UBE2S: variants seen among roughly 807,000 people sequenced by gnomAD.
UBE2S encodes ubiquitin conjugating enzyme E2 S.
Under a neutral mutation model 12.3 loss-of-function variants are expected in UBE2S, and 3 were observed. That is an observed-to-expected ratio of 0.24 (90% CI 0.11 to 0.63). The LOEUF is 0.63. UBE2S is among the 30% of genes least tolerant of loss of function. The pLI is 0.85. For synonymous variants in UBE2S, 133 were observed against 142.0 expected (o/e 0.94, Z 0.45); for missense variants, 211 against 313.9 (o/e 0.67, Z 2.48).
chr19:55,404,074 G>T lies in UBE2S; in HGVS notation c.342+214C>A. On this transcript the variant is annotated intron_variant, in intron 3 of 3. Coordinates refer to ENST00000264552, the MANE Select transcript of UBE2S (RefSeq NM_014501.3). The surrounding 1 kb of genome is among the most constrained non-coding windows in gnomAD (Gnocchi z 4.4). ...ATACAAACTCACCACTCGTTGCATA[G>T]TAAGGTGCTCCTGGGCACTTCTCAA... 1.7e-6 allele frequency: 1 copy of T among 586,290 alleles called. No homozygotes were observed. The highest frequency in any genetic ancestry group is 3.0e-6 in the Non-Finnish European group (1 of 333,112). 36.3% of individuals were successfully genotyped at this position (586,290 alleles called of 1,614,324 possible). A position where few individuals can be genotyped will look rare whatever the true frequency, so the allele number is the denominator to read the frequency against.
At position 55,401,434 on chromosome 19, in the gene UBE2S, C is replaced by T. The variant is rs778022859; in HGVS notation, c.*2G>A. The stretch of plus-strand genomic sequence containing the variant: ...TCACGGTGGAAGGAGGAAGAGAGCC[C>T]ACTACAGCCGCCGCAGCGCCCGCTT... On this transcript the variant is annotated 3_prime_UTR_variant, in exon 4 of 4. Transcript: ENST00000264552. The T allele has an allele frequency of 1.3e-6, 2 of 1,596,092 alleles. No homozygotes were observed. Among genetic ancestry groups the T allele is most frequent in the Non-Finnish European group, 1.7e-6 (2 of 1,174,320 alleles).
rs367694744 is a variant in UBE2S at position 55,406,992 on chromosome 19, G to C, written c.4-30C>G. On this transcript the variant is annotated intron_variant, in intron 1 of 3. Coordinates refer to ENST00000264552, the MANE Select transcript of UBE2S (RefSeq NM_014501.3). ...GCACGGATGGGAGAGCAGGGTGAGCGAGTGTTAAGAGCTGGGCTTCCCGCA... is the reference window on the plus strand; with the variant it reads ...GCACGGATGGGAGAGCAGGGTGAGCCAGTGTTAAGAGCTGGGCTTCCCGCA... 13 of 1,608,658 alleles carry C rather than the reference G, an allele frequency of 8.1e-6. 1 individual carries two copies. Among genetic ancestry groups the C allele is most frequent in the Middle Eastern group, 1.7e-4 (1 of 6,024 alleles).
At chr19:55,403,000 C>A in intron 3 of UBE2S, 3 of 1,533,492 alleles carry the variant, frequency 2.0e-6, no homozygotes, top group East Asian at 4.9e-5. Flanking sequence ...CCAGCCTAGA[C>A]CAGGACGCCT....
chr19:55,404,334 A>C lies in UBE2S; in HGVS notation c.296T>G (p.Leu99Arg). 6.2e-7 allele frequency: 1 copy of C among 1,613,722 alleles called. No individual in the cohort carries two copies. The highest frequency in any genetic ancestry group is 8.5e-7 in the Non-Finnish European group (1 of 1,179,862). The change falls in exon 3 of 4, where the codon CTC becomes CGC. Residue 99 changes from leucine to arginine, a missense_variant. Physicochemically the swap from Leu to Arg is moderately radical, Grantham distance 102. Transcript: ENST00000264552. The surrounding 1 kb of genome is among the most constrained non-coding windows in gnomAD (Gnocchi z 4.4). ...GANGEICVNV[L>R]KRDWTAELGI... ...CAGCTCAGCCGTCCAGTCCCTCTTG[A>C]GCACGTTGACGCAGATCTCGCCATT...
At position 55,404,328 on chromosome 19, in the gene UBE2S, C is replaced by T; in HGVS notation, c.302G>A (p.Arg101Lys). 1 of 1,613,720 alleles carries T rather than the reference C, an allele frequency of 6.2e-7. No individual in the cohort carries two copies. Among genetic ancestry groups the T allele is most frequent in the Non-Finnish European group, 8.5e-7 (1 of 1,179,864 alleles). Residue 101 changes from arginine to lysine, a missense_variant, in exon 3 of 4, where the codon AGG becomes AAG. Arg to Lys is a conservative substitution (Grantham distance 26). Around this residue, in one of 2 missense-constraint regions of UBE2S, gnomAD observed 127 missense variants for 224.0 expected, o/e 0.57. Transcript: ENST00000264552. The surrounding 1 kb of genome is among the most constrained non-coding windows in gnomAD (Gnocchi z 4.4). Reference sequence around the variant, plus strand: ...GATGCCCAGCTCAGCCGTCCAGTCCCTCTTGAGCACGTTGACGCAGATCTC... The same window carrying T: ...GATGCCCAGCTCAGCCGTCCAGTCCTTCTTGAGCACGTTGACGCAGATCTC... Reference protein sequence around the residue: ...NGEICVNVLKRDWTAELGIRH... With the variant: ...NGEICVNVLKKDWTAELGIRH...
chr19:55,403,745 T>A (rs1027930692), intron 3 of UBE2S, among the ~76,000 whole-genome samples: 70 of 36,076 alleles, frequency 1.9e-3, no homozygotes, highest in Admixed American at 1.9e-3. Flanking sequence ...TTATCTTATT[T>A]TTTTTTTTTT....
chr19:55,402,851 C>T, intron 3 of UBE2S: 2 of 1,066,730 alleles, frequency 1.9e-6, no homozygotes, highest in Middle Eastern at 2.8e-4. Context: ...CAATCCTCTC[C>T]CTCCCCATGG....
chr19:55,402,407 C>T (rs1207792546), intron 3 of UBE2S, among the ~76,000 whole-genome samples: 1 of 152,160 alleles, frequency 6.6e-6, no homozygotes, highest in Non-Finnish European at 1.5e-5. Context: ...CGAGGGTGGT[C>T]CAGAGATTCC....
chr19:55,404,049 A>G lies in UBE2S; in HGVS notation c.342+239T>C, dbSNP rs1449535781. The G allele has an allele frequency of 2.1e-5, 11 of 532,724 alleles. No individual in the cohort carries two copies. Among genetic ancestry groups the G allele is most frequent in the Non-Finnish European group, 3.6e-5 (11 of 301,394 alleles). 33.0% of individuals were successfully genotyped at this position (532,724 alleles called of 1,614,324 possible). ...GGGAGAAGAGAAAAACCATCCTACA[A>G]TACAAACTCACCACTCGTTGCATAG... On this transcript the variant is annotated intron_variant, in intron 3 of 3. Transcript: ENST00000264552. This position sits in a 1 kb window ranked among gnomAD's most constrained non-coding sequence, Gnocchi z 4.4.
At chr19:55,402,927 C>CTTT (rs112400318) in intron 3 of UBE2S, 3 of 1,151,092 alleles carry the variant, frequency 2.6e-6, no homozygotes, top group Admixed American at 5.0e-5. Context: ...ATTTGGTTAA[C>CTTT]TTTTTTTTTT....
intron 3 of UBE2S, chr19:55,403,945 T>C (rs1257873559): frequency 8.5e-6 from 2 of 234,022 alleles, no homozygotes; most frequent in African/African-American, 2.4e-5. Context: ...TTCACCATGT[T>C]GGCCAGGCTG....
chr19:55,406,332 C>A (rs2090095952), intron 2 of UBE2S, among the ~76,000 whole-genome samples: 1 of 152,230 alleles, frequency 6.6e-6, no homozygotes, highest in Admixed American at 6.5e-5. Flanking sequence ...ATGTAGCCTG[C>A]ATGAAACAGT....
rs2090106793 is a variant in UBE2S, at chr19:55,407,764, C to T, written c.-175G>A. ...GCGCACAGCGTAGACCAACCCGCCG[C>T]CCCGGTGCCCGGCAGCACTGAGCCG... On this transcript the variant is annotated 5_prime_UTR_variant, in exon 1 of 4. Transcript: ENST00000264552. 2 of 398,540 alleles carry T rather than the reference C, an allele frequency of 5.0e-6. No homozygotes were observed. The highest frequency in any genetic ancestry group is 4.3e-5 in the East Asian group (1 of 23,244). The allele number at this position is 398,540 out of a possible 1,614,324, so 24.7% of individuals were successfully genotyped here.
rs758756486 is a variant in UBE2S at position 55,401,612 on chromosome 19, C to T, written c.493G>A (p.Ala165Thr). ...CTGGCCAGGGCCCGACCGGCTTCGG[C>T]CCTGCCGCTGGGCCCGCCGGCGCCC... ...HGGAGGPSGR[A>T]EAGRALASGT... The change falls in exon 4 of 4, where the codon GCC becomes ACC. Residue 165 changes from alanine (A) to threonine (T), a missense_variant. This residue lies in a region of UBE2S where 84 missense variants were observed against 89.9 expected (regional missense o/e 0.93). Transcript: ENST00000264552. 7 of 1,606,688 alleles carry T rather than the reference C, an allele frequency of 4.4e-6. No individual in the cohort carries two copies. Among genetic ancestry groups the T allele is most frequent in the Non-Finnish European group, 5.1e-6 (6 of 1,177,726 alleles).
chr19:55,402,859 T>C (rs1203239870), intron 3 of UBE2S: 123 of 1,171,140 alleles, frequency 1.1e-4, no homozygotes, highest in Non-Finnish European at 1.4e-4. Flanking sequence ...TCCCTCCCCA[T>C]GGCAGGAAAC....
In UBE2S at chr19:55,407,767, C is replaced by G; in HGVS notation, c.-178G>C. On this transcript the variant is annotated 5_prime_UTR_variant, in exon 1 of 4. Coordinates refer to ENST00000264552, the MANE Select transcript of UBE2S (RefSeq NM_014501.3). ...CACAGCGTAGACCAACCCGCCGCCC[C>G]GGTGCCCGGCAGCACTGAGCCGGCC... The G allele has an allele frequency of 7.7e-6, 3 of 389,962 alleles. No homozygotes were observed. The highest frequency in any genetic ancestry group is 8.6e-6 in the Non-Finnish European group (2 of 232,412). 24.2% of individuals were successfully genotyped at this position (389,962 alleles called of 1,614,324 possible). A position where few individuals can be genotyped will look rare whatever the true frequency, so the allele number is the denominator to read the frequency against.
intron 3 of UBE2S, chr19:55,402,893 A>G (rs927562403): frequency 4.8e-6 from 7 of 1,471,852 alleles, no homozygotes; most frequent in Non-Finnish European, 5.4e-6. Context: ...CCTCTCTGCC[A>G]TGTGCCCCAG....
chr19:55,399,754 ATAT>A lies in UBE2S; in HGVS notation c.*1679_*1681del, dbSNP rs1244458136. On this transcript the variant is annotated 3_prime_UTR_variant, in exon 4 of 4. Coordinates refer to ENST00000264552, the MANE Select transcript of UBE2S (RefSeq NM_014501.3). ...GGAACTCTGTCAGGGCTAAGGGCAA[ATAT>A]TATTTTTATTATGCACTTCGCTAAA... is the stretch of plus-strand genomic sequence containing the variant. 5 of 152,160 alleles carry A rather than the reference ATAT, an allele frequency of 3.3e-5. No individual in the cohort carries two copies. Among genetic ancestry groups the A allele is most frequent in the Admixed American group, 6.5e-5 (1 of 15,270 alleles). The allele number at this position is 152,160 out of a possible 1,614,324, so 9.4% of individuals were successfully genotyped here.
chr19:55,403,359 C>T, intron 3 of UBE2S: 1 of 482,768 alleles, frequency 2.1e-6, no homozygotes, highest in Non-Finnish European at 3.7e-6. Flanking sequence ...TATGGTGGTG[C>T]ATGCGTGTAA....
Sources: allele counts gnomAD v4.1 joint callset (sites outside exome capture counted in the v4.1 genomes callset), GRCh38; gene constraint gnomAD v4.1.1; regional missense constraint gnomAD v4.1.1; non-coding constraint Gnocchi (gnomAD v3.1); transcripts MANE v1.5; gene names NCBI Gene and HGNC (gene_info 2026-07-23, HGNC 2026-07-21).